Variants in NEK10 observed in about 807,000 individuals in gnomAD.
NEK10 encodes serine/threonine-protein kinase Nek10.
NEK10 carries 122 observed loss-of-function variants against 159.8 expected under a neutral mutation model. The ratio of observed to expected loss-of-function variants is 0.76; its 90% CI spans 0.66 to 0.89. The LOEUF is 0.89. NEK10 is among the 40% of genes least tolerant of loss of function. The pLI is 0.00. For missense variants in NEK10, 1,342 were observed against 1,323.1 expected, an observed-to-expected ratio of 1.01 and a Z score of -0.22; for synonymous variants, 466 against 457.1, an observed-to-expected ratio of 1.02 and a Z score of -0.25.
chr3:27,325,414 T>C (rs142590146), intron 5 of NEK10, among the ~76,000 whole-genome samples: 244 of 152,218 alleles, frequency 1.6e-3, no homozygotes, highest in African/African-American at 5.5e-3. Flanking sequence ...AACACAGCAA[T>C]TACTTGAGTT....
At chr3:27,187,547 G>T (rs990994478) in intron 26 of NEK10, among the ~76,000 whole-genome samples, 7 of 152,104 alleles carry the variant, frequency 4.6e-5, no homozygotes, top group African/African-American at 1.7e-4. Flanking sequence ...AAGTTAAAAG[G>T]CCAGGGATGG....
intron 30 of NEK10, among the ~76,000 whole-genome samples, chr3:27,144,407 G>A (rs568100523): frequency 1.2e-4 from 18 of 152,278 alleles, no homozygotes; most frequent in East Asian, 1.2e-3. Context: ...CTCATTGTGC[G>A]TAAGTACAAG....
chr3:27,298,373 A>G (rs1177596087), intron 13 of NEK10, among the ~76,000 whole-genome samples: 6 of 152,158 alleles, frequency 3.9e-5, no homozygotes, highest in Non-Finnish European at 7.3e-5. Flanking sequence ...CACTTAAGAT[A>G]TGACTTGCTC....
intron 22 of NEK10, among the ~76,000 whole-genome samples, chr3:27,282,582 T>TAC (rs2042267821): frequency 3.3e-5 from 2 of 59,766 alleles, no homozygotes; most frequent in African/African-American, 9.8e-5. Flanking sequence ...TATATATATA[T>TAC]ACATAACTGT....
intron 26 of NEK10, among the ~76,000 whole-genome samples, chr3:27,188,537 G>C (rs896966392): frequency 2.6e-5 from 4 of 152,100 alleles, no homozygotes; most frequent in Non-Finnish European, 5.9e-5. Flanking sequence ...CTAGTAAAAA[G>C]AAATCATCAT....
At chr3:27,177,061 C>G (rs1310812919) in intron 26 of NEK10, among the ~76,000 whole-genome samples, 1 of 152,156 alleles carries the variant, frequency 6.6e-6, no homozygotes, top group East Asian at 1.9e-4. Flanking sequence ...GCTGGACTTG[C>G]AATCAAAACC....
intron 23 of NEK10, among the ~76,000 whole-genome samples, chr3:27,226,611 C>T (rs1444919969): frequency 6.6e-6 from 1 of 152,162 alleles, no homozygotes; most frequent in Non-Finnish European, 1.5e-5. Flanking sequence ...GTAATTACAA[C>T]TCATAGTGAA....
intron 23 of NEK10, among the ~76,000 whole-genome samples, chr3:27,234,658 G>C: frequency 6.6e-6 from 1 of 152,134 alleles, no homozygotes; most frequent in Non-Finnish European, 1.5e-5. Flanking sequence ...TGGATAGGAA[G>C]AATCAATACT....
At chr3:27,187,333 C>T (rs1948712057) in intron 26 of NEK10, among the ~76,000 whole-genome samples, 1 of 152,130 alleles carries the variant, frequency 6.6e-6, no homozygotes, top group African/African-American at 2.4e-5. Context: ...AACTTTTAGA[C>T]CAAAAGAGAA....
intron 23 of NEK10, among the ~76,000 whole-genome samples, chr3:27,227,396 G>A (rs572136373): frequency 5.9e-5 from 9 of 152,300 alleles, no homozygotes; most frequent in Admixed American, 1.3e-4. Context: ...CAGCTTCTCC[G>A]CGAAGTAGGG....
intron 23 of NEK10, among the ~76,000 whole-genome samples, chr3:27,229,462 G>T (rs1232532448): frequency 6.6e-6 from 1 of 152,072 alleles, no homozygotes; most frequent in Non-Finnish European, 1.5e-5. Flanking sequence ...ACAAAACAGG[G>T]TTCTATAACA....
intron 11 of NEK10, among the ~76,000 whole-genome samples, chr3:27,306,249 AC>A (rs964644341): frequency 6.6e-6 from 1 of 152,018 alleles, no homozygotes; most frequent in African/African-American, 2.4e-5. Flanking sequence ...CAGCTAGGTA[AC>A]CCCACTGCTC....
In NEK10 at chr3:27,290,678, T is replaced by C. The variant is rs772665887; in HGVS notation, c.1682A>G (p.Lys561Arg). ...CCTTACGCTGCTGTCTCGATCTTTC[T>C]TATCCTTTCCAAATGCTGGGTTATG... The part of the protein sequence containing the change: ...NLHNPAFGKD[K>R]KDRDSSVRNI... Residue 561 changes from lysine to arginine, a missense_variant, in exon 19 of 36, where the codon AAG becomes AGG. Lys to Arg is a conservative substitution (Grantham distance 26). Coordinates refer to ENST00000691995, the MANE Select transcript of NEK10 (RefSeq NM_001394966.1). 3 of 1,608,778 alleles carry C rather than the reference T, an allele frequency of 1.9e-6. No individual in the cohort carries two copies. In the Admixed American group the frequency reaches 5.0e-5, roughly 27 times the overall value.
chr3:27,304,995 G>T, intron 11 of NEK10, 24 bp from the exon 12 acceptor site: 1 of 1,438,236 alleles, frequency 7.0e-7, no homozygotes, highest in Non-Finnish European at 9.8e-7. Flanking sequence ...AGAGGGTGGG[G>T]TGAGAATCAC....
chr3:27,316,691 T>C (rs2045211605), intron 6 of NEK10, among the ~76,000 whole-genome samples: 1 of 151,990 alleles, frequency 6.6e-6, no homozygotes, highest in African/African-American at 2.4e-5. Context: ...ATTTTGATGA[T>C]ATGGGACTAA....
intron 12 of NEK10, among the ~76,000 whole-genome samples, chr3:27,303,889 C>T (rs1344925680): frequency 2.6e-5 from 4 of 152,116 alleles, no homozygotes; most frequent in East Asian, 1.9e-4. Flanking sequence ...ATCATAAAGA[C>T]GATCCAGTTC....
chr3:27,322,065 T>C, intron 6 of NEK10, 112 bp downstream of exon 6: 1 of 613,672 alleles, frequency 1.6e-6, no homozygotes, highest in South Asian at 2.2e-5. Flanking sequence ...AGCTATTGAG[T>C]TGTGAGAGAG....
intron 5 of NEK10, among the ~76,000 whole-genome samples, chr3:27,343,446 G>A (rs1337168743): frequency 6.6e-6 from 1 of 151,916 alleles, no homozygotes; most frequent in South Asian, 2.1e-4. Context: ...ATTTTCACTG[G>A]GATGGAATTC....
intron 5 of NEK10, among the ~76,000 whole-genome samples, chr3:27,342,490 A>C (rs2047267999): frequency 6.6e-6 from 1 of 152,182 alleles, no homozygotes; most frequent in South Asian, 2.1e-4. Flanking sequence ...GATGTTCAAC[A>C]TTCCTGAATT....
Sources: gnomAD v4.1 joint callset for allele counts (sites outside exome capture counted in the v4.1 genomes callset) on GRCh38, gnomAD v4.1.1 for gene constraint, MANE v1.5 for transcripts, NCBI Gene and HGNC (gene_info 2026-07-23, HGNC 2026-07-21) for gene names.